Variants in KCNH1 observed in about 807,000 individuals in gnomAD.
KCNH1 encodes the protein potassium voltage-gated channel subfamily H member 1.
A neutral mutation model predicts 69.2 loss-of-function variants in KCNH1; 27 were observed. The observed-to-expected ratio is 0.39, with a 90% CI of 0.29 to 0.54. The LOEUF is 0.54. Ranked by LOEUF, KCNH1 falls within the 20% of genes least tolerant of loss-of-function variation. KCNH1 has a pLI of 0.68. For missense variants in KCNH1, 798 were observed against 1,261.6 expected (o/e 0.63, Z 5.57); for synonymous variants, 456 against 487.7 (o/e 0.93, Z 0.86).
intron 10 of KCNH1, among the ~76,000 whole-genome samples, chr1:210,737,764 A>G (rs745738076): frequency 1.6e-4 from 25 of 152,232 alleles, no homozygotes; most frequent in Admixed American, 5.2e-4. Flanking sequence ...CACAGAAAGT[A>G]CTGTTGTAGC....
At chr1:210,869,979 A>AG (rs973645551) in intron 7 of KCNH1, among the ~76,000 whole-genome samples, 4 of 152,108 alleles carry the variant, frequency 2.6e-5, no homozygotes, top group African/African-American at 9.7e-5. Flanking sequence ...CCAGCCACTC[A>AG]GCCTCTTCAA....
At chr1:210,920,840 A>G (rs1364510823) in intron 6 of KCNH1, among the ~76,000 whole-genome samples, 2 of 152,170 alleles carry the variant, frequency 1.3e-5, no homozygotes, top group African/African-American at 2.4e-5. Context: ...CCACCTACTT[A>G]AATACAATCA....
intron 10 of KCNH1, among the ~76,000 whole-genome samples, chr1:210,753,576 G>T (rs1354933972): frequency 6.6e-6 from 1 of 152,172 alleles, no homozygotes; most frequent in East Asian, 1.9e-4. Context: ...CAATGGAGGT[G>T]CACCTATTGT....
chr1:210,747,334 G>A (rs888041411), intron 10 of KCNH1, among the ~76,000 whole-genome samples: 7 of 151,970 alleles, frequency 4.6e-5, no homozygotes, highest in African/African-American at 7.3e-5. Flanking sequence ...CTCGGCAACC[G>A]AGATAGAAAT....
chr1:211,010,833 G>A (rs552986223), intron 6 of KCNH1, among the ~76,000 whole-genome samples: 1 of 152,300 alleles, frequency 6.6e-6, no homozygotes, highest in East Asian at 1.9e-4. Context: ...CAATCTGAAA[G>A]AGGAGCCAAG....
chr1:210,844,460 C>T (rs546049693), intron 7 of KCNH1, among the ~76,000 whole-genome samples: 9 of 152,158 alleles, frequency 5.9e-5, no homozygotes, highest in Non-Finnish European at 8.8e-5. Context: ...AACTGAACAA[C>T]CTGCTCCTGA....
At chr1:210,723,819 C>A (rs1010137953) in intron 10 of KCNH1, among the ~76,000 whole-genome samples, 26 of 152,154 alleles carry the variant, frequency 1.7e-4, no homozygotes, top group African/African-American at 6.3e-4. Flanking sequence ...TGAGTTGAAG[C>A]ATGGTTGGGC....
chr1:210,932,428 A>T (rs552931637), intron 6 of KCNH1, among the ~76,000 whole-genome samples: 1 of 152,296 alleles, frequency 6.6e-6, no homozygotes, highest in East Asian at 1.9e-4. Flanking sequence ...AACCAAAAAG[A>T]TAAACACTAA....
chr1:210,869,151 T>G (rs1206478345), intron 7 of KCNH1, among the ~76,000 whole-genome samples: 1 of 152,098 alleles, frequency 6.6e-6, no homozygotes, highest in African/African-American at 2.4e-5. Context: ...TTATCTTTGT[T>G]CCTCTGTATG....
chr1:210,860,003 T>C (rs1685941112), intron 7 of KCNH1: 3 of 1,590,368 alleles, frequency 1.9e-6, no homozygotes, highest in South Asian at 2.2e-5. Flanking sequence ...CTTCCACGAA[T>C]AAGGGAATGC....
intron 10 of KCNH1, among the ~76,000 whole-genome samples, chr1:210,735,334 C>T (rs1682849535): frequency 6.6e-6 from 1 of 151,858 alleles, no homozygotes; most frequent in Non-Finnish European, 1.5e-5. Flanking sequence ...TGTCCAGCTC[C>T]TTGGGAATGG....
chr1:210,899,734 C>T (rs1263608212), intron 7 of KCNH1, among the ~76,000 whole-genome samples: 1 of 152,196 alleles, frequency 6.6e-6, no homozygotes, highest in Non-Finnish European at 1.5e-5. Flanking sequence ...ATCTTCTTAA[C>T]ACTTTAAGGC....
At chr1:210,751,455 G>C (rs192257693) in intron 10 of KCNH1, among the ~76,000 whole-genome samples, 1 of 152,148 alleles carries the variant, frequency 6.6e-6, no homozygotes, top group Non-Finnish European at 1.5e-5. Context: ...AGTCAGAAGA[G>C]GCTAAGTGTG....
At chr1:210,802,075 G>T (rs1052640667) in intron 8 of KCNH1, among the ~76,000 whole-genome samples, 2 of 152,200 alleles carry the variant, frequency 1.3e-5, no homozygotes, top group South Asian at 4.1e-4. Flanking sequence ...AGGATAACAG[G>T]GTTGCTGTGG....
At chr1:211,070,590 A>G (rs977217206) in intron 5 of KCNH1, among the ~76,000 whole-genome samples, 2 of 151,662 alleles carry the variant, frequency 1.3e-5, no homozygotes, top group African/African-American at 4.8e-5. Flanking sequence ...TTGGGAGGCC[A>G]AGGCAGGCAG....
intron 6 of KCNH1, among the ~76,000 whole-genome samples, chr1:210,992,664 G>C (rs4951701): frequency 0.71 from 108,108 of 152,086 alleles, 39,375 homozygotes; most frequent in African/African-American, 0.87. Context: ...CTTCTTTCCT[G>C]TAAGTGTTAC....
intron 10 of KCNH1, among the ~76,000 whole-genome samples, chr1:210,770,260 G>T (rs1318411998): frequency 6.6e-6 from 1 of 152,108 alleles, no homozygotes; most frequent in Non-Finnish European, 1.5e-5. Flanking sequence ...ATGCACATGG[G>T]ACTTAAAACC....
chr1:210,702,423 T>TA (rs1681804108), intron 10 of KCNH1, among the ~76,000 whole-genome samples: 1 of 152,246 alleles, frequency 6.6e-6, no homozygotes, highest in Non-Finnish European at 1.5e-5. Flanking sequence ...TTTGTCTTTT[T>TA]ATCTTCTATA....
chr1:211,023,152 A>T (rs917727934), intron 5 of KCNH1, among the ~76,000 whole-genome samples: 29 of 125,508 alleles, frequency 2.3e-4, no homozygotes, highest in Non-Finnish European at 4.0e-4. Flanking sequence ...ATAAATAAAT[A>T]AATAAATAAA....
Sources: gnomAD v4.1 joint callset for allele counts (sites outside exome capture counted in the v4.1 genomes callset) on GRCh38, gnomAD v4.1.1 for gene constraint, MANE v1.5 for transcripts, NCBI Gene and HGNC (gene_info 2026-07-23, HGNC 2026-07-21) for gene names.